GSG1L: variants seen among roughly 807,000 people sequenced by gnomAD.
The protein encoded by GSG1L is germ cell-specific gene 1-like protein.
In GSG1L, 24 loss-of-function variants were observed where a neutral mutation model predicts 42.1. The ratio of observed to expected loss-of-function variants is 0.57; its 90% CI spans 0.41 to 0.80. GSG1L has a LOEUF of 0.80. Among genes scored for constraint, GSG1L ranks in the 30% least tolerant of loss-of-function variants. GSG1L has a pLI of 0.00. For missense variants in GSG1L, 445 were observed against 472.2 expected, an observed-to-expected ratio of 0.94 and a Z score of 0.53; for synonymous variants, 215 against 203.5, an observed-to-expected ratio of 1.06 and a Z score of -0.48.
intron 1 of GSG1L, among the ~76,000 whole-genome samples, chr16:28,060,664 C>G (rs1326478850): frequency 6.6e-6 from 1 of 152,052 alleles, no homozygotes; most frequent in Non-Finnish European, 1.5e-5. Flanking sequence ...TTTCTGTTCC[C>G]GAGAAGGTAA....
chr16:27,857,720 A>ATC (rs1402177521), intron 3 of GSG1L, among the ~76,000 whole-genome samples: 1 of 151,140 alleles, frequency 6.6e-6, no homozygotes, highest in Admixed American at 6.6e-5. Context: ...CTTTCTCTCC[A>ATC]TCTCTCTCTC....
At chr16:27,850,805 T>C (rs2083503730) in intron 3 of GSG1L, among the ~76,000 whole-genome samples, 3 of 117,462 alleles carry the variant, frequency 2.6e-5, no homozygotes, top group African/African-American at 7.3e-5. Context: ...TCTACCTTTT[T>C]TTTTTATTTT....
intron 4 of GSG1L, among the ~76,000 whole-genome samples, chr16:27,843,506 A>T (rs2083411152): frequency 7.2e-6 from 1 of 138,960 alleles, no homozygotes; most frequent in African/African-American, 2.9e-5. Context: ...AGACTCTGTA[A>T]AAAAAAAAAA....
At chr16:28,006,866 C>T (rs185316339) in intron 1 of GSG1L, among the ~76,000 whole-genome samples, 30 of 152,270 alleles carry the variant, frequency 2.0e-4, no homozygotes, top group African/African-American at 5.5e-4. Flanking sequence ...ATGGAGAGGC[C>T]GGCCCACCTG....
intron 1 of GSG1L, among the ~76,000 whole-genome samples, chr16:27,985,565 C>T (rs1325672901): frequency 1.3e-5 from 2 of 151,988 alleles, no homozygotes; most frequent in South Asian, 2.1e-4. Flanking sequence ...CAGTCTCGGC[C>T]GGGCACGGTG....
intron 1 of GSG1L, among the ~76,000 whole-genome samples, chr16:28,024,445 T>A (rs1332520945): frequency 6.6e-6 from 1 of 152,164 alleles, no homozygotes; most frequent in Non-Finnish European, 1.5e-5. Context: ...AACGAGCCAC[T>A]GGGAGTGAAA....
chr16:27,903,400 T>C (rs1596600372), intron 2 of GSG1L, among the ~76,000 whole-genome samples: 1 of 152,142 alleles, frequency 6.6e-6, no homozygotes, highest in Non-Finnish European at 1.5e-5. Context: ...CAGGGGCAAC[T>C]GTCTGGATGG....
At chr16:27,999,036 T>G (rs2141142028) in intron 1 of GSG1L, among the ~76,000 whole-genome samples, 1 of 152,324 alleles carries the variant, frequency 6.6e-6, no homozygotes, top group South Asian at 2.1e-4. Flanking sequence ...TATGTTTACT[T>G]GTACATCTCT....
chr16:27,943,071 T>C (rs140000395), intron 2 of GSG1L, among the ~76,000 whole-genome samples: 19 of 152,186 alleles, frequency 1.2e-4, no homozygotes, highest in African/African-American at 4.3e-4. Context: ...TTGTTTGTTT[T>C]TGAGACAGGG....
intron 1 of GSG1L, among the ~76,000 whole-genome samples, chr16:28,042,029 T>C (rs542376879): frequency 5.3e-5 from 8 of 152,340 alleles, no homozygotes; most frequent in Admixed American, 5.2e-4. Context: ...ACATTCGCCA[T>C]TTCTGTTATG....
intron 3 of GSG1L, among the ~76,000 whole-genome samples, chr16:27,845,537 A>AT (rs1333506689): frequency 6.6e-6 from 1 of 152,018 alleles, no homozygotes; most frequent in Non-Finnish European, 1.5e-5. Context: ...TGTTTAAAGC[A>AT]TTTTCCCCCA....
rs192079319 is a variant in GSG1L, at chr16:27,959,871, C to T, written c.397+3285G>A. ...CCACTTACAAGATTGTGGCAGGAAT[C>T]CGGATAAAAAATGGTTGTGGCTTAG... On this transcript the variant is annotated intron_variant, in intron 2 of 6. Transcript: ENST00000447459. 4.6e-3 allele frequency among the ~76,000 whole-genome samples: 699 copies of T among 152,114 alleles called. 5 individuals are homozygous for T. Among genetic ancestry groups the T allele is most frequent in the South Asian group, 8.7e-3 (42 of 4,808 alleles).
At chr16:27,938,804 T>C (rs925907750) in intron 2 of GSG1L, among the ~76,000 whole-genome samples, 1 of 152,182 alleles carries the variant, frequency 6.6e-6, no homozygotes, top group Non-Finnish European at 1.5e-5. Context: ...TTCTGCTTTG[T>C]TTCAGACTCC....
At chr16:27,996,603 CT>C (rs2085517074) in intron 1 of GSG1L, among the ~76,000 whole-genome samples, 1 of 152,222 alleles carries the variant, frequency 6.6e-6, no homozygotes, top group South Asian at 2.1e-4. Context: ...TTGAGACCCA[CT>C]GCTCATCCAG....
At chr16:27,989,461 C>G (rs1029875327) in intron 1 of GSG1L, among the ~76,000 whole-genome samples, 1 of 151,988 alleles carries the variant, frequency 6.6e-6, no homozygotes, top group Non-Finnish European at 1.5e-5. Flanking sequence ...TTATACGGAC[C>G]AGGAGCGGTG....
At chr16:28,021,950 C>A (rs900669900) in intron 1 of GSG1L, among the ~76,000 whole-genome samples, 2 of 152,192 alleles carry the variant, frequency 1.3e-5, no homozygotes, top group Non-Finnish European at 2.9e-5. Context: ...AGCCAGCAAT[C>A]CAAAAGACTC....
Position 27,990,934 on chromosome 16 carries a change from C to T in GSG1L, c.350-27731G>A, listed in dbSNP as rs1015655068. Among the ~76,000 whole-genome samples, 8 of 152,194 alleles carry T rather than the reference C, an allele frequency of 5.3e-5. No homozygotes were observed. In the South Asian group the frequency reaches 1.5e-3, roughly 28 times the overall value. ...TAAAGTATAATTTAAAAAAAAAAGT[C>T]TAATTCAAAATTCCTTATGTAAGTT... is the stretch of plus-strand genomic sequence containing the variant. On this transcript the variant is annotated intron_variant, in intron 1 of 6. Coordinates refer to ENST00000447459, the MANE Select transcript of GSG1L (RefSeq NM_001109763.2).
At chr16:27,992,778 C>T (rs1324977392) in intron 1 of GSG1L, among the ~76,000 whole-genome samples, 1 of 152,058 alleles carries the variant, frequency 6.6e-6, no homozygotes, top group Non-Finnish European at 1.5e-5. Flanking sequence ...TCACAGAGTC[C>T]ACCACCCTCA....
intron 1 of GSG1L, chr16:27,998,272 A>G (rs1331696705): frequency 2.6e-5 from 4 of 152,336 alleles, no homozygotes; most frequent in African/African-American, 7.2e-5. Flanking sequence ...TCTATTCCAG[A>G]GTTACTTCAC....
Sources: gnomAD v4.1 joint callset for allele counts (sites outside exome capture counted in the v4.1 genomes callset) on GRCh38, gnomAD v4.1.1 for gene constraint, MANE v1.5 for transcripts, NCBI Gene and HGNC (gene_info 2026-07-23, HGNC 2026-07-21) for gene names.